The following NBAS variants were observed in gnomAD, a reference collection of about 807,000 sequenced individuals.
The protein encoded by NBAS is NAG/BC035112 fusion.
NBAS carries 219 observed loss-of-function variants against 302.5 expected under a neutral mutation model. The observed-to-expected ratio is 0.72, with a 90% CI of 0.65 to 0.81. NBAS has a LOEUF of 0.81. Ranked by LOEUF, NBAS falls within the 30% of genes least tolerant of loss-of-function variation. The pLI is 0.00. For missense variants in NBAS, 2,932 were observed against 2,841.6 expected (o/e 1.03, Z -0.72); for synonymous variants, 1,118 against 1,021.6 (o/e 1.09, Z -1.80).
rs564587842 is a variant in NBAS at position 15,395,388 on chromosome 2, T to C, written c.3134+1025A>G. Among the ~76,000 whole-genome samples the C allele has an allele frequency of 3.9e-5, 6 of 152,162 alleles. No individual in the cohort carries two copies. The East Asian group carries it at 1.2e-3, about 29-fold the overall frequency. ...AACTAAACTGAATGTGTTAGGAAGG[T>C]AGTGGGGATGGCAGGCACAAGCCAA... On this transcript the variant is annotated intron_variant, in intron 27 of 51. Transcript: ENST00000281513.
the NBAS span, among the ~76,000 whole-genome samples, chr2:14,873,843 A>ATT: frequency 4.0e-5 from 6 of 148,850 alleles, no homozygotes; most frequent in African/African-American, 1.3e-4. Context: ...ATTGCATTAC[A>ATT]TTTTTTTTTT....
At chr2:14,949,396 A>C in the NBAS span, among the ~76,000 whole-genome samples, 2 of 152,180 alleles carry the variant, frequency 1.3e-5, no homozygotes, top group Admixed American at 6.5e-5. Flanking sequence ...AATAGCAAAA[A>C]ACAAATAACA....
chr2:14,842,454 C>T, the NBAS span, among the ~76,000 whole-genome samples: 2 of 151,470 alleles, frequency 1.3e-5, 1 homozygote, highest in African/African-American at 4.8e-5. Context: ...AGTGAAGATC[C>T]TAATAATTAA....
intron 24 of NBAS, among the ~76,000 whole-genome samples, chr2:15,416,532 G>T (rs1210193717): frequency 6.6e-6 from 1 of 152,174 alleles, no homozygotes; most frequent in African/African-American, 2.4e-5. Flanking sequence ...AGCCAGGAGA[G>T]GTGGCTCACG....
chr2:14,978,025 T>G, the NBAS span, among the ~76,000 whole-genome samples: 899 of 152,302 alleles, frequency 5.9e-3, 8 homozygotes, highest in African/African-American at 0.02. Flanking sequence ...CTGTCTCCTA[T>G]TTTTCTACCA....
the NBAS span, among the ~76,000 whole-genome samples, chr2:15,154,334 C>G: frequency 6.6e-6 from 1 of 152,138 alleles, no homozygotes. Flanking sequence ...GGCTCTTCAT[C>G]GGGGGCCTCT....
At chr2:14,909,305 G>A in the NBAS span, among the ~76,000 whole-genome samples, 1 of 123,988 alleles carries the variant, frequency 8.1e-6, no homozygotes, top group African/African-American at 3.2e-5. Context: ...GGGTGACAGA[G>A]CGAGACTCCG....
intron 45 of NBAS, among the ~76,000 whole-genome samples, chr2:15,238,055 G>A (rs541332904): frequency 9.8e-4 from 149 of 152,278 alleles, no homozygotes; most frequent in African/African-American, 3.4e-3. Flanking sequence ...GATTACAGGA[G>A]TGAGCCACCG....
chr2:14,969,478 G>C, the NBAS span, among the ~76,000 whole-genome samples: 1 of 152,120 alleles, frequency 6.6e-6, no homozygotes, highest in Admixed American at 6.5e-5. Context: ...CCGGGTTCAA[G>C]CGACCCTCCT....
intron 49 of NBAS, among the ~76,000 whole-genome samples, chr2:15,190,025 T>A (rs532271019): frequency 1.4e-4 from 21 of 152,274 alleles, no homozygotes; most frequent in Non-Finnish European, 2.2e-4. Context: ...ACATCATAAA[T>A]CAGATATTAT....
In NBAS at chr2:15,184,784, G is replaced by A. The variant is rs558806104; in HGVS notation, c.6711+1958C>T. On this transcript the variant is annotated intron_variant, in intron 50 of 51. Transcript: ENST00000281513. ...ACTGAGCCTTGATTAGCTAGCTGGT[G>A]AGATGATGTCAGGGTCAAGGATGCA... 3.3e-5 allele frequency among the ~76,000 whole-genome samples: 5 copies of A among 152,330 alleles called. No homozygotes were observed. The East Asian group carries it at 7.7e-4, about 24-fold the overall frequency.
the NBAS span, among the ~76,000 whole-genome samples, chr2:15,092,346 A>T: frequency 6.6e-6 from 1 of 152,230 alleles, no homozygotes; most frequent in African/African-American, 2.4e-5. Context: ...AGAGCCCAGC[A>T]TGATAAATTA....
chr2:14,971,520 A>C, the NBAS span, among the ~76,000 whole-genome samples: 2 of 152,130 alleles, frequency 1.3e-5, no homozygotes, highest in Non-Finnish European at 2.9e-5. Flanking sequence ...GTCTCAAAAT[A>C]AATAAATAAA....
chr2:15,557,896 T>G (rs1199364902), intron 2 of NBAS, among the ~76,000 whole-genome samples: 1 of 152,206 alleles, frequency 6.6e-6, no homozygotes, highest in Non-Finnish European at 1.5e-5. Flanking sequence ...ACGTAAAATT[T>G]GTCAGGAGTT....
chr2:14,941,347 G>A, the NBAS span, among the ~76,000 whole-genome samples: 1 of 152,190 alleles, frequency 6.6e-6, no homozygotes, highest in Non-Finnish European at 1.5e-5. Context: ...TGTATGTGTA[G>A]CTCATTTGGA....
chr2:15,478,383 A>AAAG, intron 12 of NBAS, 94 bp from the exon 13 acceptor site: 1 of 898,192 alleles, frequency 1.1e-6, no homozygotes, highest in Non-Finnish European at 1.8e-6. Context: ...TAAAGAGATG[A>AAAG]CGCTTTCCCT....
the NBAS span, among the ~76,000 whole-genome samples, chr2:14,966,622 A>T: frequency 6.6e-6 from 1 of 152,206 alleles, no homozygotes; most frequent in Admixed American, 6.5e-5. Context: ...TCAAAGGTGA[A>T]CTGCACTAAT....
intron 50 of NBAS, among the ~76,000 whole-genome samples, chr2:15,183,084 C>T (rs1033476273): frequency 2.0e-5 from 3 of 152,078 alleles, no homozygotes; most frequent in African/African-American, 4.8e-5. Context: ...AATTTTACCA[C>T]CACAGTGATA....
the NBAS span, among the ~76,000 whole-genome samples, chr2:15,145,122 G>A: frequency 6.6e-6 from 1 of 152,202 alleles, no homozygotes. Flanking sequence ...AATCTCAAAA[G>A]AGGACGTACA....
Sources: allele counts gnomAD v4.1 joint callset (sites outside exome capture counted in the v4.1 genomes callset), GRCh38; gene constraint gnomAD v4.1.1; transcripts MANE v1.5; gene names NCBI Gene and HGNC (gene_info 2026-07-23, HGNC 2026-07-21).